The following SIN3A variants were observed in gnomAD, a reference collection of about 807,000 sequenced individuals.
SIN3A encodes the protein paired amphipathic helix protein Sin3a.
In SIN3A, 14 loss-of-function variants were observed where a neutral mutation model predicts 146.1. The observed-to-expected ratio is 0.10, with a 90% CI of 0.06 to 0.15. The LOEUF (loss-of-function observed/expected upper bound fraction) is 0.15. Among genes scored for constraint, SIN3A ranks in the 10% least tolerant of loss-of-function variants. The probability of loss-of-function intolerance (pLI) is 1.00; values close to 1 mark genes in which losing one functional copy is unlikely to be tolerated. For synonymous variants in SIN3A, 572 were observed against 572.0 expected, an observed-to-expected ratio of 1.00 and a Z score of 0.00; for missense variants, 1,028 against 1,576.0, an observed-to-expected ratio of 0.65 and a Z score of 5.89.
intron 1 of SIN3A, among the ~76,000 whole-genome samples, chr15:75,440,758 G>C (rs969349269): frequency 1.3e-5 from 2 of 151,902 alleles, no homozygotes; most frequent in Non-Finnish European, 2.9e-5. Flanking sequence ...CAAGGCAGGC[G>C]GATTACGAGG....
chr15:75,422,944 C>T (rs1311478390), intron 2 of SIN3A, 121 bp from the exon 3 acceptor site: 4 of 966,156 alleles, frequency 4.1e-6, no homozygotes, highest in African/African-American at 1.6e-5. Context: ...TTCTGCTGGG[C>T]GTGATGGCTC....
intron 20 of SIN3A, among the ~76,000 whole-genome samples, chr15:75,373,949 T>C (rs2072806360): frequency 6.6e-6 from 1 of 152,228 alleles, no homozygotes; most frequent in Non-Finnish European, 1.5e-5. Flanking sequence ...AAAGGGTTAA[T>C]TATACATTAA....
At chr15:75,381,559 C>G in intron 18 of SIN3A, 54 bp downstream of exon 18, 7 of 1,402,076 alleles carry the variant, frequency 5.0e-6, no homozygotes, top group Non-Finnish European at 6.0e-6. Flanking sequence ...GACAGACTCT[C>G]AAGGCACGCC....
chr15:75,371,949 C>T lies in SIN3A; in HGVS notation c.*30G>A, dbSNP rs532469957. Reference sequence around the variant, plus strand: ...AGGCCCACACACACATCCCCACACACACCCCAAGTTATCTGCTCTGGCTTT... The same window carrying T: ...AGGCCCACACACACATCCCCACACATACCCCAAGTTATCTGCTCTGGCTTT... On this transcript the variant is annotated 3_prime_UTR_variant, in exon 21 of 21. Transcript: ENST00000394947. 2 of 1,595,910 alleles carry T rather than the reference C, an allele frequency of 1.3e-6. No individual in the cohort carries two copies. Among genetic ancestry groups the T allele is most frequent in the East Asian group, 2.2e-5 (1 of 44,808 alleles).
upstream of SIN3A, chr15:75,455,585 G>C (rs2074477169): frequency 6.6e-6 from 1 of 152,360 alleles, no homozygotes; most frequent in Admixed American, 6.5e-5. Flanking sequence ...ACACACACTG[G>C]CGAGCGGGCG....
intron 1 of SIN3A, among the ~76,000 whole-genome samples, chr15:75,450,050 G>A (rs1049629492): frequency 1.3e-5 from 2 of 152,042 alleles, no homozygotes; most frequent in African/African-American, 2.4e-5. Flanking sequence ...AAAGTGCTAG[G>A]ATTACAGGCA....
At chr15:75,375,517 G>T in intron 20 of SIN3A, 148 bp downstream of exon 20, 1 of 656,648 alleles carries the variant, frequency 1.5e-6, no homozygotes, top group Non-Finnish European at 2.7e-6. Context: ...AGCATCCTTA[G>T]CAACCAACAT....
chr15:75,444,580 G>A (rs1229977101), intron 1 of SIN3A, among the ~76,000 whole-genome samples: 2 of 151,634 alleles, frequency 1.3e-5, no homozygotes, highest in African/African-American at 4.8e-5. Context: ...AACTAAAATT[G>A]AGTCCAGACC....
intron 14 of SIN3A, among the ~76,000 whole-genome samples, chr15:75,393,339 A>G (rs543875297): frequency 2.0e-5 from 3 of 152,288 alleles, no homozygotes; most frequent in African/African-American, 7.2e-5. Context: ...CCTTCTACAC[A>G]CTGATGACTT....
At chr15:75,417,401 A>G (rs1360589711) in intron 3 of SIN3A, among the ~76,000 whole-genome samples, 5 of 143,030 alleles carry the variant, frequency 3.5e-5, no homozygotes, top group African/African-American at 1.3e-4. Context: ...TTGAGATGGG[A>G]GTCTCATTTT....
rs1408719952 is a variant in SIN3A, at chr15:75,401,860, A to G, written c.1518T>C (p.Pro506=). 1 of 1,596,010 alleles carries G rather than the reference A, an allele frequency of 6.3e-7. No individual in the cohort carries two copies. Among genetic ancestry groups the G allele is most frequent in the East Asian group, 2.2e-5 (1 of 44,798 alleles). Residue 506 remains proline, a synonymous_variant, in exon 10 of 21, where the codon CCT becomes CCC. Transcript: ENST00000394947. ...SRAELVQLVS[P]FLGKFPELFN... is the part of the protein sequence containing the mutation. ...CCCCTCACTTCACTTACCCCAGGAA[A>G]GGAGAGACTAGTTGCACAAGCTCAG...
At chr15:75,406,992 G>A (rs2073528716) in intron 9 of SIN3A, 63 bp downstream of exon 9, 1 of 1,184,740 alleles carries the variant, frequency 8.4e-7, no homozygotes, top group South Asian at 1.3e-5. Context: ...CCTTCCAGGG[G>A]GATAAGATGA....
chr15:75,375,732 T>C lies in SIN3A; in HGVS notation c.3524A>G (p.Lys1175Arg), dbSNP rs770636953. 6.2e-7 allele frequency: 1 copy of C among 1,614,168 alleles called. No individual in the cohort carries two copies. The highest frequency in any genetic ancestry group is 1.1e-5 in the South Asian group (1 of 91,086). Residue 1175 changes from lysine (K) to arginine (R), a missense_variant, in exon 20 of 21, where the codon AAG becomes AGG. Coordinates refer to ENST00000394947, the MANE Select transcript of SIN3A (RefSeq NM_001145358.2). ...LECRFKLNSYKMVYVIKSEDY... is the reference protein window; with the variant it reads ...LECRFKLNSYRMVYVIKSEDY... ...CTCTGATTTGATCACATACACCATCTTGTAGGAATTCAGCTTGAATCTACA... is the reference window on the plus strand; with the variant it reads ...CTCTGATTTGATCACATACACCATCCTGTAGGAATTCAGCTTGAATCTACA...
chr15:75,398,291 C>CT (rs1313623489), intron 12 of SIN3A, among the ~76,000 whole-genome samples: 1 of 152,214 alleles, frequency 6.6e-6, no homozygotes, highest in African/African-American at 2.4e-5. Flanking sequence ...ATTGAGCCCA[C>CT]TTTCAGTAGT....
chr15:75,380,709 G>A lies in SIN3A; in HGVS notation c.3303C>T (p.Tyr1101=), dbSNP rs778623853. The change falls in exon 19 of 21, where the codon TAC becomes TAT. Residue 1101 remains tyrosine (Y), a synonymous_variant. Transcript: ENST00000394947. The stretch of plus-strand genomic sequence containing the variant: ...TATCTGAATTCATGTATCGCTCCAC[G>A]TAGTCTGACCAGCGCTAAGATGGCA... ...DPVEAERWSD[Y]VERYMNSDTT... The A allele has an allele frequency of 1.3e-5, 21 of 1,613,614 alleles. No homozygotes were observed. The highest frequency in any genetic ancestry group is 8.0e-5 in the African/African-American group (6 of 74,890).
upstream of SIN3A, chr15:75,453,245 G>C (rs1197655603): frequency 1.3e-5 from 2 of 152,532 alleles, no homozygotes; most frequent in Admixed American, 6.5e-5. Flanking sequence ...CGATGGCTTC[G>C]AGCCGCGAAA....
chr15:75,394,103 C>T (rs928051248), intron 14 of SIN3A, among the ~76,000 whole-genome samples: 2 of 152,128 alleles, frequency 1.3e-5, no homozygotes, highest in African/African-American at 2.4e-5. Context: ...CCACTGTGCC[C>T]GGCCTGATTA....
chr15:75,448,456 T>G (rs539886587), intron 1 of SIN3A, among the ~76,000 whole-genome samples: 1 of 149,508 alleles, frequency 6.7e-6, no homozygotes. Context: ...ATTGCACCAC[T>G]GCACTCCAGC....
intron 16 of SIN3A, among the ~76,000 whole-genome samples, chr15:75,385,614 C>T (rs531405628): frequency 3.9e-5 from 6 of 152,252 alleles, no homozygotes; most frequent in Admixed American, 3.3e-4. Context: ...GAAAGCAAAA[C>T]GTTAATTTCA....
Sources: gnomAD v4.1 joint callset for allele counts (sites outside exome capture counted in the v4.1 genomes callset) on GRCh38, gnomAD v4.1.1 for gene constraint, MANE v1.5 for transcripts, NCBI Gene and HGNC (gene_info 2026-07-23, HGNC 2026-07-21) for gene names.